Variants in USP48 observed in about 807,000 individuals in gnomAD.
USP48 encodes the protein ubiquitin specific peptidase 48.
USP48 carries 43 observed loss-of-function variants against 150.7 expected under a neutral mutation model. The ratio of observed to expected loss-of-function variants is 0.29; its 90% CI spans 0.22 to 0.37. The LOEUF is 0.37. Ranked by LOEUF, USP48 falls within the 10% of genes least tolerant of loss-of-function variation. The pLI, the probability that USP48 is intolerant of heterozygous loss-of-function variation, is 1.00. For missense variants in USP48, 813 were observed against 1,249.6 expected (o/e 0.65, Z 5.27); for synonymous variants, 396 against 425.9 (o/e 0.93, Z 0.86).
intron 1 of USP48, among the ~76,000 whole-genome samples, chr1:21,772,939 A>G: frequency 6.7e-6 from 1 of 149,756 alleles, no homozygotes; most frequent in Non-Finnish European, 1.5e-5. Context: ...AAAAACCAAG[A>G]AAGAAAGAAA....
At chr1:21,712,109 A>G (rs749415190) in intron 15 of USP48, among the ~76,000 whole-genome samples, 3 of 152,254 alleles carry the variant, frequency 2.0e-5, no homozygotes, top group Non-Finnish European at 4.4e-5. Context: ...CTGTAATCCC[A>G]GCACTTTGGG....
intron 8 of USP48, among the ~76,000 whole-genome samples, chr1:21,743,109 A>AT (rs1363837000): frequency 3.3e-5 from 5 of 152,168 alleles, no homozygotes; most frequent in African/African-American, 9.7e-5. Flanking sequence ...GAAAGGTGAT[A>AT]TATTTCTTTT....
Position 21,679,406 on chromosome 1 carries a change from G to T in USP48, c.*11C>A. ...CTGGTCATTTCTTAGCAGTCAGCAA[G>T]TATTCAAAGATTAATGTCCAAGAAG... is the stretch of plus-strand genomic sequence containing the variant. On this transcript the variant is annotated 3_prime_UTR_variant, in exon 27 of 27. Coordinates refer to ENST00000308271, the MANE Select transcript of USP48 (RefSeq NM_032236.8). 6.2e-7 allele frequency: 1 copy of T among 1,614,104 alleles called. No homozygotes were observed. Among genetic ancestry groups the T allele is most frequent in the Non-Finnish European group, 8.5e-7 (1 of 1,180,016 alleles).
At chr1:21,781,472 C>A (rs1412973567) in intron 1 of USP48, among the ~76,000 whole-genome samples, 1 of 151,196 alleles carries the variant, frequency 6.6e-6, no homozygotes, top group African/African-American at 2.4e-5. Flanking sequence ...ATTGGCCCAG[C>A]ATGGTGGCTC....
intron 1 of USP48, among the ~76,000 whole-genome samples, chr1:21,778,009 G>A (rs1409673878): frequency 1.0e-4 from 15 of 150,716 alleles, no homozygotes; most frequent in South Asian, 8.6e-4. Flanking sequence ...TAGGCGTGGC[G>A]GTGTGCGCCT....
At chr1:21,743,952 G>C (rs114691979) in intron 8 of USP48, among the ~76,000 whole-genome samples, 220 of 152,298 alleles carry the variant, frequency 1.4e-3, no homozygotes, top group African/African-American at 5.2e-3. Context: ...CTAAAAAAAA[G>C]AAGTTGCTAC....
rs148962161 is a variant in USP48, at chr1:21,679,974, G to A, written c.3086-535C>T. On this transcript the variant is annotated intron_variant, in intron 26 of 26. Coordinates refer to ENST00000308271, the MANE Select transcript of USP48 (RefSeq NM_032236.8). ...CTCCAAAAGTGCTGGGATTACAGGC[G>A]TGAGCCACCATGCCCGGCCAATGAC... Among the ~76,000 whole-genome samples, 326 of 152,250 alleles carry A rather than the reference G, an allele frequency of 2.1e-3. 1 individual carries two copies. Among genetic ancestry groups the A allele is most frequent in the African/African-American group, 7.4e-3 (306 of 41,562 alleles).
chr1:21,701,576 C>G lies in USP48; in HGVS notation c.2649G>C (p.Leu883=), dbSNP rs2097657068. 6.2e-7 allele frequency: 1 copy of G among 1,613,774 alleles called. No individual in the cohort carries two copies. Among genetic ancestry groups the G allele is most frequent in the Admixed American group, 1.7e-5 (1 of 60,000 alleles). ...KKVMKDSAPE[L]NVSSSETEED... ...CCTCTGTTTCAGAACTACTCACATT[C>G]AGTTCCGGAGCCGAATCCTTCATCA... The change falls in exon 22 of 27, where the codon CTG becomes CTC. Residue 883 remains leucine (L), a synonymous_variant. Transcript: ENST00000308271.
intron 15 of USP48, among the ~76,000 whole-genome samples, chr1:21,711,424 T>C (rs2097689863): frequency 6.6e-6 from 1 of 152,150 alleles, no homozygotes. Flanking sequence ...TAGATGCTTA[T>C]TCTAGGACAA....
chr1:21,744,627 A>C (rs530049274), intron 8 of USP48, among the ~76,000 whole-genome samples: 1 of 149,878 alleles, frequency 6.7e-6, no homozygotes, highest in South Asian at 2.1e-4. Flanking sequence ...AATACAAAAA[A>C]TTAGCCAGGC....
At chr1:21,775,409 A>C (rs897964819) in intron 1 of USP48, among the ~76,000 whole-genome samples, 2 of 152,130 alleles carry the variant, frequency 1.3e-5, no homozygotes, top group African/African-American at 4.8e-5. Flanking sequence ...TTACAGGTGT[A>C]TGCCGCCACC....
intron 25 of USP48, among the ~76,000 whole-genome samples, chr1:21,684,364 T>A (rs562984989): frequency 1.3e-5 from 2 of 152,330 alleles, no homozygotes; most frequent in South Asian, 4.1e-4. Flanking sequence ...GATTTGCATT[T>A]CCCTGATGAT....
chr1:21,694,566 T>G (rs1367581832), intron 23 of USP48, among the ~76,000 whole-genome samples: 1 of 46,090 alleles, frequency 2.2e-5, no homozygotes, highest in East Asian at 1.9e-3. Context: ...TGAGGCTCTG[T>G]CTCACCAAAA....
At chr1:21,706,228 C>T (rs1265415758) in intron 17 of USP48, 41 bp from the exon 18 acceptor site, 4 of 1,597,716 alleles carry the variant, frequency 2.5e-6, no homozygotes, top group East Asian at 2.2e-5. Flanking sequence ...GTCAATTCAC[C>T]GCCTGCTTAA....
chr1:21,742,475 C>T (rs1212899026), intron 8 of USP48, among the ~76,000 whole-genome samples: 2 of 149,458 alleles, frequency 1.3e-5, no homozygotes, highest in South Asian at 2.1e-4. Context: ...ACCTGGGAGG[C>T]GGAGGTTGCG....
chr1:21,756,438 G>C (rs1337556453), intron 3 of USP48, 108 bp downstream of exon 3: 3 of 1,294,524 alleles, frequency 2.3e-6, no homozygotes, highest in Non-Finnish European at 3.1e-6. Flanking sequence ...CCGAGATGGC[G>C]CCACTTCACT....
rs185890099 is a variant in USP48, at chr1:21,681,119, A to G, written c.3059-285T>C. On this transcript the variant is annotated intron_variant, in intron 25 of 26. Transcript: ENST00000308271. Reference sequence around the variant, plus strand: ...ACGACTCTAGGAGTGGCCTGGGAGGAAGCCATGTAACTGACTCCTCTGGAG... The same window carrying G: ...ACGACTCTAGGAGTGGCCTGGGAGGGAGCCATGTAACTGACTCCTCTGGAG... The G allele has an allele frequency of 2.5e-4, 65 of 264,794 alleles. 1 individual carries two copies. The Admixed American group carries it at 3.4e-3, about 14-fold the overall frequency. 16.4% of individuals were successfully genotyped at this position (264,794 alleles called of 1,614,324 possible).
At chr1:21,768,220 G>C (rs199550013) in intron 1 of USP48, 1 of 149,010 alleles carries the variant, frequency 6.7e-6, no homozygotes, top group African/African-American at 2.5e-5. Flanking sequence ...AAAAAAAAAA[G>C]AGTTTGCAAA....
chr1:21,687,456 G>A (rs919483007), intron 24 of USP48, among the ~76,000 whole-genome samples: 6 of 152,220 alleles, frequency 3.9e-5, no homozygotes, highest in Admixed American at 6.5e-5. Flanking sequence ...GGTATACTGT[G>A]TGTGTGAAGA....
Sources: allele counts gnomAD v4.1 joint callset (sites outside exome capture counted in the v4.1 genomes callset), GRCh38; gene constraint gnomAD v4.1.1; transcripts MANE v1.5; gene names NCBI Gene and HGNC (gene_info 2026-07-23, HGNC 2026-07-21).